BST1: variants seen among roughly 807,000 people sequenced by gnomAD.
BST1 encodes ADP-ribosyl cyclase/cyclic ADP-ribose hydrolase 2.
Under a neutral mutation model 40.6 loss-of-function variants are expected in BST1, and 49 were observed. The observed-to-expected ratio is 1.21, with a 90% CI of 0.96 to 1.53. The LOEUF (loss-of-function observed/expected upper bound fraction) is 1.53. BST1 is among the 40% of genes most tolerant of loss of function. BST1 has a pLI of 0.00. For synonymous variants in BST1, 157 were observed against 159.3 expected, an observed-to-expected ratio of 0.99 and a Z score of 0.11; for missense variants, 423 against 395.9, an observed-to-expected ratio of 1.07 and a Z score of -0.58.
chr4:15,770,289 G>A, the BST1 span, among the ~76,000 whole-genome samples: 1 of 152,072 alleles, frequency 6.6e-6, no homozygotes, highest in Non-Finnish European at 1.5e-5. Flanking sequence ...CTTGTCCCCA[G>A]GTGTCCCCAA....
chr4:15,754,956 A>C, the BST1 span, among the ~76,000 whole-genome samples: 10 of 152,222 alleles, frequency 6.6e-5, no homozygotes, highest in African/African-American at 2.4e-4. Flanking sequence ...AGCATTAAAC[A>C]CAAAATACTT....
chr4:15,751,051 T>G, the BST1 span, among the ~76,000 whole-genome samples: 1 of 152,160 alleles, frequency 6.6e-6, no homozygotes, highest in Non-Finnish European at 1.5e-5. Flanking sequence ...TAACATTTAA[T>G]TGAGAAGACA....
At chr4:15,712,028 A>G (rs980203783) in intron 4 of BST1, 139 bp downstream of exon 4, 2 of 671,084 alleles carry the variant, frequency 3.0e-6, no homozygotes, top group South Asian at 3.6e-5. Flanking sequence ...ATCATGATTC[A>G]TGCTCTTTGC....
the BST1 span, chr4:15,743,396 G>T: frequency 3.5e-6 from 1 of 288,574 alleles, no homozygotes; most frequent in Non-Finnish European, 6.9e-6. Context: ...TAGGATATAT[G>T]TATGAAGATG....
chr4:15,719,035 T>G, intron 7 of BST1, 42 bp downstream of exon 7: 1 of 1,579,238 alleles, frequency 6.3e-7, no homozygotes, highest in Non-Finnish European at 8.7e-7. Flanking sequence ...AGAGGTGGTG[T>G]ATGATTTTGG....
chr4:15,703,268 C>T lies in BST1; in HGVS notation c.124C>T (p.His42Tyr), dbSNP rs1719645507. The change falls in exon 1 of 9, where the codon CAC becomes TAC. Residue 42 changes from histidine to tyrosine, a missense_variant. Physicochemically the swap from His to Tyr is moderately conservative, Grantham distance 83 (BLOSUM62 2). Transcript: ENST00000265016. The part of the protein sequence containing the change: ...ARWRGEGTSA[H>Y]LRDIFLGRCA... ...GTGGCGCGGGGAGGGCACCAGCGCA[C>T]ACTTGCGGGACATCTTCCTGGGCCG... 1 of 1,539,096 alleles carries T rather than the reference C, an allele frequency of 6.5e-7. No homozygotes were observed. The highest frequency in any genetic ancestry group is 2.5e-5 in the East Asian group (1 of 40,624).
chr4:15,723,057 G>T (rs944434455), intron 8 of BST1, 123 bp downstream of exon 8: 3 of 883,316 alleles, frequency 3.4e-6, no homozygotes, highest in Non-Finnish European at 5.4e-6. Flanking sequence ...TTGGATTCTG[G>T]TTTGGCCTTA....
chr4:15,710,330 T>C (rs1172366574), intron 3 of BST1, among the ~76,000 whole-genome samples: 1 of 152,152 alleles, frequency 6.6e-6, no homozygotes, highest in Non-Finnish European at 1.5e-5. Flanking sequence ...ATTGTATATA[T>C]TTATGGCATA....
At chr4:15,764,750 C>G in the BST1 span, among the ~76,000 whole-genome samples, 1 of 151,914 alleles carries the variant, frequency 6.6e-6, no homozygotes, top group African/African-American at 2.4e-5. Flanking sequence ...ATCAGGCCCA[C>G]AGAAAGTGAC....
the BST1 span, among the ~76,000 whole-genome samples, chr4:15,746,636 T>C: frequency 1.3e-5 from 2 of 152,174 alleles, no homozygotes; most frequent in Non-Finnish European, 2.9e-5. Flanking sequence ...CCCCTTAATA[T>C]GGTTACTGTG....
chr4:15,703,453 A>T (rs1719661182), intron 1 of BST1, 121 bp downstream of exon 1: 1 of 1,404,280 alleles, frequency 7.1e-7, no homozygotes, highest in Admixed American at 3.1e-5. Context: ...CCTTGAGGGG[A>T]GAGGTGAGTG....
the BST1 span, among the ~76,000 whole-genome samples, chr4:15,760,410 CAT>C: frequency 6.6e-6 from 1 of 151,676 alleles, no homozygotes. Flanking sequence ...TCTGTGTGAA[CAT>C]ATGTTTTCAT....
intron 2 of BST1, among the ~76,000 whole-genome samples, chr4:15,706,032 C>G (rs891542145): frequency 6.6e-6 from 1 of 152,136 alleles, no homozygotes; most frequent in Non-Finnish European, 1.5e-5. Context: ...GGAGGTGCCA[C>G]AGGCTTGTAA....
the BST1 span, among the ~76,000 whole-genome samples, chr4:15,767,072 GC>G: frequency 6.6e-6 from 1 of 151,766 alleles, no homozygotes; most frequent in African/African-American, 2.4e-5. Flanking sequence ...TGCTAACCCT[GC>G]CCCTCCAAAG....
chr4:15,734,045 T>C (rs1721477448), downstream of BST1, among the ~76,000 whole-genome samples: 1 of 152,216 alleles, frequency 6.6e-6, no homozygotes, highest in Non-Finnish European at 1.5e-5. Context: ...CCTTGATATA[T>C]GCAGCAATAT....
chr4:15,711,353 T>C (rs1442227518), intron 3 of BST1, among the ~76,000 whole-genome samples: 3 of 152,258 alleles, frequency 2.0e-5, no homozygotes, highest in Non-Finnish European at 2.9e-5. Context: ...TGTTTCTGGC[T>C]AAGCATTATC....
intron 7 of BST1, among the ~76,000 whole-genome samples, chr4:15,722,582 T>C (rs1449286140): frequency 1.3e-5 from 2 of 150,784 alleles, no homozygotes; most frequent in Non-Finnish European, 2.9e-5. Context: ...TGCACCCAGA[T>C]AATTTTTAGA....
the BST1 span, among the ~76,000 whole-genome samples, chr4:15,757,591 T>G: frequency 6.6e-5 from 10 of 152,192 alleles, no homozygotes; most frequent in Non-Finnish European, 1.5e-4. Flanking sequence ...TTTCTTTCCA[T>G]TAATATTACA....
At chr4:15,745,580 G>A in the BST1 span, among the ~76,000 whole-genome samples, 1 of 152,130 alleles carries the variant, frequency 6.6e-6, no homozygotes, top group Non-Finnish European at 1.5e-5. Context: ...TCTTGTTCTT[G>A]AGGTCATTCA....
Sources: gnomAD v4.1 joint callset for allele counts (sites outside exome capture counted in the v4.1 genomes callset) on GRCh38, gnomAD v4.1.1 for gene constraint, MANE v1.5 for transcripts, NCBI Gene and HGNC (gene_info 2026-07-23, HGNC 2026-07-21) for gene names.